The following CHODL variants were observed in gnomAD, a reference collection of about 807,000 sequenced individuals.
The protein encoded by CHODL is transmembrane protein MT75.
Under a neutral mutation model 34.5 loss-of-function variants are expected in CHODL, and 29 were observed. The ratio of observed to expected loss-of-function variants is 0.84; its 90% CI spans 0.63 to 1.15. The LOEUF (loss-of-function observed/expected upper bound fraction) is 1.15. Among genes scored for constraint, CHODL ranks in the 50% most tolerant of loss-of-function variants. The pLI, the probability that CHODL is intolerant of heterozygous loss-of-function variation, is 0.00. For missense variants in CHODL, 332 were observed against 332.5 expected (o/e 1.00, Z 0.01); for synonymous variants, 125 against 116.1 (o/e 1.08, Z -0.49).
intron 2 of CHODL, among the ~76,000 whole-genome samples, chr21:18,077,606 C>T (rs1392681697): frequency 6.6e-6 from 1 of 152,124 alleles, no homozygotes; most frequent in African/African-American, 2.4e-5. Context: ...GAAGCTTTCA[C>T]GGATGAGATT....
chr21:18,029,729 C>A (rs138663950), intron 2 of CHODL, among the ~76,000 whole-genome samples: 27 of 152,210 alleles, frequency 1.8e-4, no homozygotes, highest in African/African-American at 6.0e-4. Context: ...AATGCCCTAG[C>A]AGCTAGGGCT....
intron 2 of CHODL, among the ~76,000 whole-genome samples, chr21:18,201,274 A>T (rs1387497038): frequency 6.6e-6 from 1 of 152,118 alleles, no homozygotes; most frequent in South Asian, 2.1e-4. Flanking sequence ...ATTGCCTAAA[A>T]ATTTTAGGGC....
At chr21:17,939,515 T>C (rs1300997877) in intron 1 of CHODL, among the ~76,000 whole-genome samples, 2 of 152,014 alleles carry the variant, frequency 1.3e-5, no homozygotes, top group East Asian at 3.8e-4. Flanking sequence ...TAATTCACAA[T>C]TAAATAATAA....
chr21:18,098,430 T>C (rs1030449184), intron 2 of CHODL, among the ~76,000 whole-genome samples: 1 of 151,946 alleles, frequency 6.6e-6, no homozygotes, highest in African/African-American at 2.4e-5. Flanking sequence ...AAAAAAGACA[T>C]ACAAATGGCA....
At chr21:18,079,087 A>G (rs529674024) in intron 2 of CHODL, among the ~76,000 whole-genome samples, 183 of 152,260 alleles carry the variant, frequency 1.2e-3, no homozygotes, top group Non-Finnish European at 1.7e-3. Context: ...TAAATAGTGA[A>G]TATTGTACCC....
At chr21:18,014,044 A>G (rs985879091) in intron 1 of CHODL, among the ~76,000 whole-genome samples, 14 of 152,150 alleles carry the variant, frequency 9.2e-5, no homozygotes, top group African/African-American at 3.4e-4. Context: ...ACACACATCC[A>G]GGCTTTGTGG....
intron 2 of CHODL, among the ~76,000 whole-genome samples, chr21:18,178,304 A>G (rs2073340704): frequency 6.6e-6 from 1 of 152,130 alleles, no homozygotes. Flanking sequence ...TACAGGTACT[A>G]TTTTCTGCTT....
At chr21:18,261,307 A>G (rs1388538609) in intron 4 of CHODL, among the ~76,000 whole-genome samples, 1 of 151,952 alleles carries the variant, frequency 6.6e-6, no homozygotes, top group Non-Finnish European at 1.5e-5. Flanking sequence ...ACCTAATTAC[A>G]TATGTAACTA....
At chr21:18,021,425 C>T (rs545291421) in intron 1 of CHODL, among the ~76,000 whole-genome samples, 1 of 152,314 alleles carries the variant, frequency 6.6e-6, no homozygotes, top group African/African-American at 2.4e-5. Flanking sequence ...TCTAGTCTAC[C>T]TTGTCCAGCA....
chr21:18,154,375 C>T (rs2073007935), intron 2 of CHODL, among the ~76,000 whole-genome samples: 1 of 152,146 alleles, frequency 6.6e-6, no homozygotes, highest in Non-Finnish European at 1.5e-5. Context: ...TTTGCATGAA[C>T]AGATCTTATC....
At chr21:18,126,410 A>T (rs1032230946) in intron 2 of CHODL, among the ~76,000 whole-genome samples, 2 of 152,210 alleles carry the variant, frequency 1.3e-5, no homozygotes, top group Admixed American at 1.3e-4. Context: ...AAAACAAAAA[A>T]ATTGTGCAAC....
At chr21:18,097,922 C>A (rs570981157) in intron 2 of CHODL, among the ~76,000 whole-genome samples, 36 of 152,154 alleles carry the variant, frequency 2.4e-4, no homozygotes, top group Non-Finnish European at 1.3e-4. Context: ...CACACACCTG[C>A]AGTAAATTAA....
At chr21:18,028,435 G>A (rs1035732403) in intron 2 of CHODL, among the ~76,000 whole-genome samples, 1 of 151,610 alleles carries the variant, frequency 6.6e-6, no homozygotes, top group Non-Finnish European at 1.5e-5. Flanking sequence ...GGTGGCTCAC[G>A]CCTGTAATCC....
At chr21:18,124,084 GA>G (rs199550709) in intron 2 of CHODL, among the ~76,000 whole-genome samples, 2 of 150,980 alleles carry the variant, frequency 1.3e-5, no homozygotes, top group East Asian at 1.9e-4. Flanking sequence ...TTGGAAGGCA[GA>G]AAAAAAAATA....
At chr21:17,918,886 A>G (rs1465705973) in intron 1 of CHODL, among the ~76,000 whole-genome samples, 1 of 152,218 alleles carries the variant, frequency 6.6e-6, no homozygotes, top group East Asian at 1.9e-4. Context: ...GCCATTCCAA[A>G]TGGGTGAAAT....
chr21:18,010,724 C>G (rs1476348463), intron 1 of CHODL, among the ~76,000 whole-genome samples: 1 of 152,102 alleles, frequency 6.6e-6, no homozygotes, highest in Non-Finnish European at 1.5e-5. Flanking sequence ...GAGACAAAAA[C>G]AAACCACTTA....
At chr21:18,106,476 TTTTTTC>T (rs199816299) in intron 2 of CHODL, among the ~76,000 whole-genome samples, 6,100 of 148,492 alleles carry the variant, frequency 0.041, 432 homozygotes, top group African/African-American at 0.14. Flanking sequence ...TAGATCTTTC[TTTTTTC>T]TTTTTTCTTT....
At chr21:18,054,317 C>T (rs2064553183) in intron 2 of CHODL, among the ~76,000 whole-genome samples, 1 of 151,952 alleles carries the variant, frequency 6.6e-6, no homozygotes, top group Admixed American at 6.6e-5. Flanking sequence ...ATTCTACAAA[C>T]ATTTTTTTCT....
At chr21:18,162,840 T>A (rs1011820406) in intron 2 of CHODL, among the ~76,000 whole-genome samples, 5 of 152,192 alleles carry the variant, frequency 3.3e-5, no homozygotes, top group Admixed American at 2.0e-4. Context: ...AGAGTCTCAC[T>A]ATGTTGCTTA....
Sources: allele counts gnomAD v4.1 joint callset (sites outside exome capture counted in the v4.1 genomes callset), GRCh38; gene constraint gnomAD v4.1.1; transcripts MANE v1.5; gene names NCBI Gene and HGNC (gene_info 2026-07-23, HGNC 2026-07-21).